The following ARHGAP44 variants were observed in gnomAD, a reference collection of about 807,000 sequenced individuals.
ARHGAP44 encodes Rho GTPase activating protein 44.
Under a neutral mutation model 106.8 loss-of-function variants are expected in ARHGAP44, and 43 were observed. The ratio of observed to expected loss-of-function variants is 0.40; its 90% CI spans 0.32 to 0.52. The LOEUF is 0.52. Ranked by LOEUF, ARHGAP44 falls within the 20% of genes least tolerant of loss-of-function variation. The probability of loss-of-function intolerance (pLI) is 0.48; values close to 1 mark genes in which losing one functional copy is unlikely to be tolerated. For synonymous variants in ARHGAP44, 439 were observed against 410.3 expected (o/e 1.07, Z -0.85); for missense variants, 866 against 1,050.5 (o/e 0.82, Z 2.43).
chr17:12,802,946 TATATATATATATATATATATATA>T lies in ARHGAP44; in HGVS notation c.53+13056_53+13078del, dbSNP rs1275907763. Among the ~76,000 whole-genome samples the T allele has an allele frequency of 5.4e-3, 110 of 20,286 alleles. 1 individual carries two copies. Among genetic ancestry groups the T allele is most frequent in the African/African-American group, 0.017 (71 of 4,270 alleles). The allele number at this position is 20,286 out of a possible 152,430, so 13.3% of individuals were successfully genotyped here. A position where few individuals can be genotyped will look rare whatever the true frequency, so the allele number is the denominator to read the frequency against. Reference sequence around the variant, plus strand: ...GCTAATTTATATATATATATATATATATATATATATATATATATATATATTTTTTTTTTTTTTTTTTTTTGAGG... The same window carrying T: ...GCTAATTTATATATATATATATATATTTTTTTTTTTTTTTTTTTTTTGAGG... On this transcript the variant is annotated intron_variant, in intron 1 of 20. Coordinates refer to ENST00000379672, the MANE Select transcript of ARHGAP44 (RefSeq NM_014859.6).
At position 12,934,881 on chromosome 17, in the gene ARHGAP44, A is replaced by G. The variant is rs548424966; in HGVS notation, c.582+5835A>G. Among the ~76,000 whole-genome samples the G allele has an allele frequency of 3.3e-5, 5 of 152,320 alleles. No individual in the cohort carries two copies. The South Asian group carries it at 1.0e-3, about 32-fold the overall frequency. ...TGGCGTGTCAGGCAGGAGTACCACA[A>G]GGAGGCTGGACACAGCCAGATCATT... On this transcript the variant is annotated intron_variant, in intron 7 of 20. Transcript: ENST00000379672.
At chr17:12,963,088 C>T (rs2039304906) in intron 16 of ARHGAP44, among the ~76,000 whole-genome samples, 1 of 148,898 alleles carries the variant, frequency 6.7e-6, no homozygotes, top group African/African-American at 2.5e-5. Context: ...CTGTTGTTCA[C>T]CAACCTTGTG....
At chr17:12,798,701 G>A (rs888226767) in intron 1 of ARHGAP44, among the ~76,000 whole-genome samples, 1 of 148,848 alleles carries the variant, frequency 6.7e-6, no homozygotes, top group Non-Finnish European at 1.5e-5. Flanking sequence ...GAAAGCATTT[G>A]ATTTTTTTCC....
At chr17:12,886,175 A>G (rs906771419) in intron 1 of ARHGAP44, among the ~76,000 whole-genome samples, 1 of 152,000 alleles carries the variant, frequency 6.6e-6, no homozygotes, top group Non-Finnish European at 1.5e-5. Context: ...TTGTACTTTT[A>G]TTCTTTTCCA....
At chr17:12,964,348 AG>A (rs1468840851) in intron 16 of ARHGAP44, among the ~76,000 whole-genome samples, 1 of 152,190 alleles carries the variant, frequency 6.6e-6, no homozygotes, top group African/African-American at 2.4e-5. Flanking sequence ...CTGGTTGGTC[AG>A]GGAGCACCCA....
chr17:12,913,921 T>A lies in ARHGAP44; in HGVS notation c.276-1979T>A, dbSNP rs12601708. On this transcript the variant is annotated intron_variant, in intron 4 of 20. Coordinates refer to ENST00000379672, the MANE Select transcript of ARHGAP44 (RefSeq NM_014859.6). ...GAGGTGGAGTTTGTGGTGAGCCAAG[T>A]ACGCGTCACTGCACTCCAGCCTGGG... Among the ~76,000 whole-genome samples the A allele has an allele frequency of 4.1e-3, 547 of 133,496 alleles. 17 individuals are homozygous for A. In the East Asian group the frequency reaches 0.079, roughly 19 times the overall value. The allele number at this position is 133,496 out of a possible 152,430, so 87.6% of individuals were successfully genotyped here. A position where few individuals can be genotyped will look rare whatever the true frequency, so the allele number is the denominator to read the frequency against.
chr17:12,798,493 A>G (rs1053984166), intron 1 of ARHGAP44, among the ~76,000 whole-genome samples: 4 of 152,144 alleles, frequency 2.6e-5, no homozygotes, highest in Admixed American at 6.5e-5. Flanking sequence ...TTTATGTTCC[A>G]GGCATCATTG....
In ARHGAP44 at chr17:12,835,208, A is replaced by T. The variant is rs530477179; in HGVS notation, c.53+45317A>T. ...GGGGAAAGGTTTTCAACTAAGGTGT[A>T]AATGATCAAATGGTGTCAGTTAGTG... is the stretch of plus-strand genomic sequence containing the variant. On this transcript the variant is annotated intron_variant, in intron 1 of 20. Coordinates refer to ENST00000379672, the MANE Select transcript of ARHGAP44 (RefSeq NM_014859.6). Among the ~76,000 whole-genome samples the T allele has an allele frequency of 1.8e-4, 28 of 152,336 alleles. No homozygotes were observed. The East Asian group carries it at 5.4e-3, about 29-fold the overall frequency.
chr17:12,963,632 C>A (rs2039318383), intron 16 of ARHGAP44, among the ~76,000 whole-genome samples: 1 of 151,826 alleles, frequency 6.6e-6, no homozygotes, highest in South Asian at 2.1e-4. Context: ...GGCTTTGCAC[C>A]AATGCTGTGT....
At chr17:12,790,022 C>T in intron 1 of ARHGAP44, 131 bp downstream of exon 1, 2 of 866,032 alleles carry the variant, frequency 2.3e-6, no homozygotes. Context: ...CAGCTCCCTC[C>T]AGGCGCCGCT....
At chr17:12,868,601 A>ATATATATATATATATATATGCAT (rs2036308800) in intron 1 of ARHGAP44, among the ~76,000 whole-genome samples, 1 of 92,236 alleles carries the variant, frequency 1.1e-5, no homozygotes, top group Non-Finnish European at 2.1e-5. Context: ...TTATATATAT[A>ATATATATATATATATATATGCAT]TATATATATA....
At chr17:12,849,475 GT>G (rs913192525) in intron 1 of ARHGAP44, among the ~76,000 whole-genome samples, 1 of 147,736 alleles carries the variant, frequency 6.8e-6, no homozygotes, top group African/African-American at 2.5e-5. Context: ...CCGATTTTCT[GT>G]TTCTGGTTTG....
chr17:12,915,519 A>G (rs529887446), intron 4 of ARHGAP44, among the ~76,000 whole-genome samples: 1 of 152,204 alleles, frequency 6.6e-6, no homozygotes, highest in South Asian at 2.1e-4. Flanking sequence ...CTTTCTTTCT[A>G]TCAGGACCTA....
chr17:12,974,201 C>G lies in ARHGAP44; in HGVS notation c.1654C>G (p.Leu552Val). ...GCAGCCTCCCGCCCCGCCCGCCGAGCTGGCTGCGCCCCTGCCTTCGCCGCT... is the reference window on the plus strand; with the variant it reads ...GCAGCCTCCCGCCCCGCCCGCCGAGGTGGCTGCGCCCCTGCCTTCGCCGCT... ...SMQPPAPPAE[L>V]AAPLPSPLPE... The change falls in exon 18 of 21, where the codon CTG becomes GTG. Residue 552 changes from leucine (L) to valine (V), a missense_variant. Physicochemically the swap from Leu to Val is conservative, Grantham distance 32. This residue lies in a region of ARHGAP44 where 418 missense variants were observed against 403.6 expected (regional missense o/e 1.04). Transcript: ENST00000379672. 1.3e-6 allele frequency: 2 copies of G among 1,548,350 alleles called. No homozygotes were observed. The highest frequency in any genetic ancestry group is 1.7e-6 in the Non-Finnish European group (2 of 1,146,572).
At chr17:12,884,260 CTG>C (rs2036820342) in intron 1 of ARHGAP44, among the ~76,000 whole-genome samples, 1 of 152,050 alleles carries the variant, frequency 6.6e-6, no homozygotes, top group African/African-American at 2.4e-5. Flanking sequence ...ATATTTGAGT[CTG>C]TGTTTACTAT....
At position 12,990,094 on chromosome 17, in the gene ARHGAP44, C is replaced by G; in HGVS notation, c.2380C>G (p.Pro794Ala). The change falls in exon 21 of 21, where the codon CCC (proline) becomes GCC (alanine). Residue 794 changes from proline (P) to alanine (A), a missense_variant. Coordinates refer to ENST00000379672, the MANE Select transcript of ARHGAP44 (RefSeq NM_014859.6). ...GCTCGGGTCGACGCTCCGCCTGAGT[C>G]CCCTGGAGCACATGCGGCGACACTC... ...IELGSTLRLS[P>A]LEHMRRHSVT... is the part of the protein sequence containing the mutation. The G allele has an allele frequency of 6.2e-7, 1 of 1,613,296 alleles. No homozygotes were observed.
chr17:12,880,561 TA>T (rs2036697476), intron 1 of ARHGAP44, among the ~76,000 whole-genome samples: 1 of 151,986 alleles, frequency 6.6e-6, no homozygotes, highest in Admixed American at 6.5e-5. Flanking sequence ...GTTGTTTGGG[TA>T]AACTTTATTT....
chr17:12,972,863 A>T (rs1370141344), intron 16 of ARHGAP44, among the ~76,000 whole-genome samples: 4 of 151,774 alleles, frequency 2.6e-5, no homozygotes, highest in Non-Finnish European at 5.9e-5. Context: ...GGGTTTCACC[A>T]TGTTAGCCAG....
At position 12,971,372 on chromosome 17, in the gene ARHGAP44, G is replaced by A. The variant is rs150950147; in HGVS notation, c.1524-1930G>A. ...CACCAGGTGGGAAAGCCTTTTTCAA[G>A]TAGAAGAGAAAGGGGCAAGGAAGAG... is the stretch of plus-strand genomic sequence containing the variant. On this transcript the variant is annotated intron_variant, in intron 16 of 20. Transcript: ENST00000379672. Among the ~76,000 whole-genome samples, 192 of 152,190 alleles carry A rather than the reference G, an allele frequency of 1.3e-3. 1 individual carries two copies. Among genetic ancestry groups the A allele is most frequent in the African/African-American group, 4.6e-3 (190 of 41,532 alleles).
Sources: allele counts gnomAD v4.1 joint callset (sites outside exome capture counted in the v4.1 genomes callset), GRCh38; gene constraint gnomAD v4.1.1; regional missense constraint gnomAD v4.1.1; transcripts MANE v1.5; gene names NCBI Gene and HGNC (gene_info 2026-07-23, HGNC 2026-07-21).